PDZRN4: variants seen among roughly 807,000 people sequenced by gnomAD.
PDZRN4 encodes PDZ domain-containing RING finger protein 4.
In PDZRN4, 70 loss-of-function variants were observed where a neutral mutation model predicts 99.0. The ratio of observed to expected loss-of-function variants is 0.71; its 90% CI spans 0.58 to 0.86. The LOEUF (loss-of-function observed/expected upper bound fraction) is 0.86. Ranked by LOEUF, PDZRN4 falls within the 40% of genes least tolerant of loss-of-function variation. PDZRN4 has a pLI of 0.00. For synonymous variants in PDZRN4, 551 were observed against 501.6 expected (o/e 1.10, Z -1.32); for missense variants, 1,474 against 1,331.2 (o/e 1.11, Z -1.67).
chr12:41,226,336 A>G lies in PDZRN4; in HGVS notation c.843+32148A>G, dbSNP rs1001893961. ...CCATAGTACTAGCATCTTCTAATGTACTGCATTATGTACCTAGATTTTTTT... is the reference window on the plus strand; with the variant it reads ...CCATAGTACTAGCATCTTCTAATGTGCTGCATTATGTACCTAGATTTTTTT... On this transcript the variant is annotated intron_variant, in intron 3 of 9. Coordinates refer to ENST00000402685, the MANE Select transcript of PDZRN4 (RefSeq NM_001164595.2). 5.4e-4 allele frequency among the ~76,000 whole-genome samples: 82 copies of G among 151,954 alleles called. 3 individuals are homozygous for G.
chr12:41,304,063 A>G lies in PDZRN4; in HGVS notation c.843+109875A>G, dbSNP rs34157529. 7.8e-3 allele frequency among the ~76,000 whole-genome samples: 1,188 copies of G among 152,316 alleles called. 5 individuals are homozygous for G. Among genetic ancestry groups the G allele is most frequent in the Non-Finnish European group, 0.014 (945 of 68,018 alleles). On this transcript the variant is annotated intron_variant, in intron 3 of 9. Transcript: ENST00000402685. ...CCCTGAGGAGGTCAGAAAATCCTTC[A>G]CAAAACATGAAAAATTCTGTCTTGA...
At chr12:41,196,010 A>G (rs1357561816) in intron 3 of PDZRN4, among the ~76,000 whole-genome samples, 1 of 152,166 alleles carries the variant, frequency 6.6e-6, no homozygotes, top group Non-Finnish European at 1.5e-5. Context: ...TTCTAGCTAG[A>G]TGACAATATT....
chr12:41,251,331 C>T (rs1951168479), intron 3 of PDZRN4, among the ~76,000 whole-genome samples: 1 of 152,060 alleles, frequency 6.6e-6, no homozygotes, highest in Non-Finnish European at 1.5e-5. Flanking sequence ...TAATCTGCTG[C>T]CATGGGCTTC....
At chr12:41,536,786 T>TTTC (rs905377051) in intron 5 of PDZRN4, among the ~76,000 whole-genome samples, 1 of 126,548 alleles carries the variant, frequency 7.9e-6, no homozygotes, top group Non-Finnish European at 1.7e-5. Flanking sequence ...CTTCTTGATT[T>TTTC]TTCTTCTTCT....
chr12:41,191,710 TTTCTTAATGCAAATA>T (rs1224941266), intron 2 of PDZRN4, among the ~76,000 whole-genome samples, 166 bp downstream of exon 2: 1 of 152,162 alleles, frequency 6.6e-6, no homozygotes, highest in Non-Finnish European at 1.5e-5. Context: ...AAATATCAGA[TTTCTTAATGCAAATA>T]TTCCAGTACA....
At chr12:41,234,934 G>A (rs1269076144) in intron 3 of PDZRN4, among the ~76,000 whole-genome samples, 5 of 151,970 alleles carry the variant, frequency 3.3e-5, no homozygotes, top group African/African-American at 9.7e-5. Flanking sequence ...TGCATTCCTG[G>A]CACTCCTCAG....
intron 5 of PDZRN4, 130 bp downstream of exon 5, chr12:41,510,043 A>G: frequency 2.1e-6 from 1 of 476,410 alleles, no homozygotes; most frequent in South Asian, 3.9e-5. Context: ...AAGATCTTTC[A>G]AATACTATTT....
chr12:41,491,573 C>T (rs1422438801), intron 3 of PDZRN4, among the ~76,000 whole-genome samples: 2 of 152,004 alleles, frequency 1.3e-5, no homozygotes, highest in African/African-American at 4.8e-5. Flanking sequence ...TACTGGCTTT[C>T]CCTGTCAGGG....
intron 3 of PDZRN4, among the ~76,000 whole-genome samples, chr12:41,295,765 G>A (rs766752207): frequency 4.7e-4 from 72 of 152,242 alleles, no homozygotes; most frequent in Admixed American, 1.7e-3. Flanking sequence ...AGAGCAGCAC[G>A]AATTCTACTG....
chr12:41,405,476 G>A (rs888443308), intron 3 of PDZRN4, among the ~76,000 whole-genome samples: 15 of 152,152 alleles, frequency 9.9e-5, no homozygotes, highest in African/African-American at 3.4e-4. Context: ...CAGAGAAAAC[G>A]AAATGCTTAC....
At chr12:41,288,299 C>T (rs1951433666) in intron 3 of PDZRN4, among the ~76,000 whole-genome samples, 2 of 152,120 alleles carry the variant, frequency 1.3e-5, no homozygotes. Context: ...CCCTGGCTAA[C>T]TTTTACTCCT....
intron 9 of PDZRN4, among the ~76,000 whole-genome samples, chr12:41,572,061 C>G (rs1385535372): frequency 6.6e-6 from 1 of 152,118 alleles, no homozygotes; most frequent in African/African-American, 2.4e-5. Flanking sequence ...CACCTTCAAC[C>G]CCGAGTTTCC....
chr12:41,429,577 A>G (rs1198657063), intron 3 of PDZRN4, among the ~76,000 whole-genome samples: 1 of 152,116 alleles, frequency 6.6e-6, no homozygotes, highest in African/African-American at 2.4e-5. Flanking sequence ...TCTCTGAGTG[A>G]CAGGCAATGG....
At chr12:41,480,540 G>A (rs1937655922) in intron 3 of PDZRN4, among the ~76,000 whole-genome samples, 2 of 152,042 alleles carry the variant, frequency 1.3e-5, no homozygotes, top group African/African-American at 4.8e-5. Context: ...AATGCCTGGT[G>A]GGACAGTTTC....
intron 3 of PDZRN4, among the ~76,000 whole-genome samples, chr12:41,463,139 G>T (rs1461913139): frequency 6.6e-6 from 1 of 152,158 alleles, no homozygotes; most frequent in African/African-American, 2.4e-5. Flanking sequence ...AGTATTTTAA[G>T]ACTGCAAAGC....
At chr12:41,475,777 T>G (rs1953037049) in intron 3 of PDZRN4, among the ~76,000 whole-genome samples, 1 of 152,208 alleles carries the variant, frequency 6.6e-6, no homozygotes, top group Non-Finnish European at 1.5e-5. Flanking sequence ...TTAGAAATGT[T>G]CAATGCCTGG....
At chr12:41,256,972 C>A (rs993860374) in intron 3 of PDZRN4, among the ~76,000 whole-genome samples, 1 of 152,124 alleles carries the variant, frequency 6.6e-6, no homozygotes. Context: ...CCCTTCTAAA[C>A]ATTTCTTGAA....
At chr12:41,214,450 A>AAAAAAAAAAAAAAAAAAAAAAT in intron 3 of PDZRN4, among the ~76,000 whole-genome samples, 1 of 146,428 alleles carries the variant, frequency 6.8e-6, no homozygotes, top group Non-Finnish European at 1.5e-5. Flanking sequence ...AAAAAAAAAA[A>AAAAAAAAAAAAAAAAAAAAAAT]GTTATCTATT....
intron 3 of PDZRN4, among the ~76,000 whole-genome samples, chr12:41,436,835 G>A (rs1952633937): frequency 6.6e-6 from 1 of 152,056 alleles, no homozygotes; most frequent in South Asian, 2.1e-4. Flanking sequence ...TCTAAATATA[G>A]AATCATAAAT....
Sources: allele counts gnomAD v4.1 joint callset (sites outside exome capture counted in the v4.1 genomes callset), GRCh38; gene constraint gnomAD v4.1.1; transcripts MANE v1.5; gene names NCBI Gene and HGNC (gene_info 2026-07-23, HGNC 2026-07-21).